The following ADAM12 variants were observed in gnomAD, a reference collection of about 807,000 sequenced individuals.
ADAM12 encodes the protein ADAM metallopeptidase domain 12.
In ADAM12, 70 loss-of-function variants were observed where a neutral mutation model predicts 106.4. The observed-to-expected ratio is 0.66, with a 90% CI of 0.54 to 0.80. ADAM12 has a LOEUF of 0.80. Among genes scored for constraint, ADAM12 ranks in the 30% least tolerant of loss-of-function variants. ADAM12 has a pLI of 0.00. For missense variants in ADAM12, 1,010 were observed against 1,171.9 expected (o/e 0.86, Z 2.02); for synonymous variants, 420 against 433.5 (o/e 0.97, Z 0.39).
intron 18 of ADAM12, 123 bp from the exon 19 acceptor site, chr10:126,039,552 T>A: frequency 8.6e-7 from 1 of 1,163,886 alleles, no homozygotes; most frequent in Non-Finnish European, 1.2e-6. Context: ...AGTACACCCG[T>A]GAGTGATGTA....
At chr10:126,097,649 C>T (rs546892400) in intron 10 of ADAM12, among the ~76,000 whole-genome samples, 140 of 152,308 alleles carry the variant, frequency 9.2e-4, no homozygotes, top group Non-Finnish European at 1.7e-3. Context: ...TCTGAGGATA[C>T]TCCCTGTCTG....
At chr10:126,251,033 G>T (rs1221794533) in intron 3 of ADAM12, among the ~76,000 whole-genome samples, 1 of 152,184 alleles carries the variant, frequency 6.6e-6, no homozygotes, top group Non-Finnish European at 1.5e-5. Flanking sequence ...TAAGATTCTT[G>T]CTTCTTTCTT....
chr10:126,247,902 G>A (rs1958660899), intron 3 of ADAM12, among the ~76,000 whole-genome samples: 1 of 152,186 alleles, frequency 6.6e-6, no homozygotes, highest in Non-Finnish European at 1.5e-5. Context: ...GTGGCTCCAC[G>A]AGCCAATGAC....
At chr10:126,327,883 C>A (rs545745680) in intron 2 of ADAM12, among the ~76,000 whole-genome samples, 595 of 152,258 alleles carry the variant, frequency 3.9e-3, no homozygotes, top group Non-Finnish European at 7.2e-3. Flanking sequence ...ATGGGAGGAG[C>A]CCTGTGGGAA....
In ADAM12 at chr10:126,043,641, G is replaced by A. The variant is rs1022888901; in HGVS notation, c.1996-493C>T. ...GACTGCCGGGTCCCACGCCAGGCTG[G>A]GGTCCGAGGCAGGCCCCCCGTTTCC... On this transcript the variant is annotated intron_variant, in intron 17 of 22. Transcript: ENST00000448723. This position sits in a 1 kb window ranked among gnomAD's most constrained non-coding sequence, Gnocchi z 4.1. Among the ~76,000 whole-genome samples, 10 of 152,176 alleles carry A rather than the reference G, an allele frequency of 6.6e-5. No individual in the cohort carries two copies. Among genetic ancestry groups the A allele is most frequent in the African/African-American group, 2.2e-4 (9 of 41,446 alleles).
At chr10:126,375,251 TA>T (rs796088323) in intron 1 of ADAM12, among the ~76,000 whole-genome samples, 6,542 of 136,612 alleles carry the variant, frequency 0.048, 424 homozygotes, top group African/African-American at 0.15. Context: ...AAGCCATGGT[TA>T]AAAAAAAAAA....
intron 11 of ADAM12, among the ~76,000 whole-genome samples, chr10:126,074,922 T>G (rs1213211969): frequency 6.6e-6 from 1 of 152,138 alleles, no homozygotes. Context: ...GTCAGGACAA[T>G]TCAAACTTCC....
rs181367496 is a variant in ADAM12 at position 126,167,943 on chromosome 10, G to A, written c.261-12638C>T. On this transcript the variant is annotated intron_variant, in intron 3 of 22. Coordinates refer to ENST00000448723, the MANE Select transcript of ADAM12 (RefSeq NM_001288973.2). ...GTTCAAGGCCACACACTCTTACAGC[G>A]GCAATGGGCTTGGGTTGTCACATGC... 1.5e-3 allele frequency among the ~76,000 whole-genome samples: 225 copies of A among 152,308 alleles called. 1 individual carries two copies. Among genetic ancestry groups the A allele is most frequent in the African/African-American group, 5.1e-3 (213 of 41,564 alleles).
At chr10:126,041,273 G>A in intron 18 of ADAM12, 1 of 955,360 alleles carries the variant, frequency 1.0e-6, no homozygotes, top group Non-Finnish European at 1.2e-6. Context: ...GCCAGGCCAG[G>A]GAGCAGTGAG....
chr10:126,107,477 C>A (rs1011666421), intron 8 of ADAM12, among the ~76,000 whole-genome samples: 12 of 152,168 alleles, frequency 7.9e-5, no homozygotes, highest in Non-Finnish European at 1.6e-4. Flanking sequence ...AGGACCTTTG[C>A]CTTCATTTTT....
chr10:126,235,434 G>C (rs1376162414), intron 3 of ADAM12, among the ~76,000 whole-genome samples: 1 of 152,206 alleles, frequency 6.6e-6, no homozygotes, highest in Non-Finnish European at 1.5e-5. Context: ...ATGAGAACCA[G>C]GGAGCGCGGA....
At chr10:126,223,643 G>A (rs766164892) in intron 3 of ADAM12, among the ~76,000 whole-genome samples, 2 of 152,222 alleles carry the variant, frequency 1.3e-5, no homozygotes, top group Non-Finnish European at 2.9e-5. Flanking sequence ...AGCAGCCCGC[G>A]TGGCCCTTCC....
intron 1 of ADAM12, among the ~76,000 whole-genome samples, chr10:126,335,672 T>A (rs1854674102): frequency 6.6e-6 from 1 of 152,212 alleles, no homozygotes; most frequent in African/African-American, 2.4e-5. Context: ...AATGCAATTT[T>A]AAAATAACGT....
intron 5 of ADAM12, among the ~76,000 whole-genome samples, chr10:126,124,309 G>A (rs1159860399): frequency 6.6e-6 from 1 of 150,390 alleles, no homozygotes. Flanking sequence ...TTTTTTTGGA[G>A]CAACTCCTGG....
intron 3 of ADAM12, among the ~76,000 whole-genome samples, chr10:126,245,608 G>A (rs1343571785): frequency 6.6e-6 from 1 of 152,120 alleles, no homozygotes; most frequent in Non-Finnish European, 1.5e-5. Flanking sequence ...CAGGGCCAAG[G>A]ACCAGGCACC....
intron 5 of ADAM12, among the ~76,000 whole-genome samples, chr10:126,125,653 G>C (rs115549059): frequency 0.02 from 3,007 of 151,896 alleles, 108 homozygotes; most frequent in African/African-American, 0.069. Context: ...CACTGCAGGG[G>C]GTTGAATAGT....
At chr10:126,254,351 A>T (rs1315435770) in intron 3 of ADAM12, among the ~76,000 whole-genome samples, 1 of 152,198 alleles carries the variant, frequency 6.6e-6, no homozygotes, top group Non-Finnish European at 1.5e-5. Flanking sequence ...AAGATAATGC[A>T]GGTGAAAATG....
intron 4 of ADAM12, among the ~76,000 whole-genome samples, chr10:126,153,112 G>A (rs781084334): frequency 9.2e-5 from 14 of 152,100 alleles, no homozygotes; most frequent in Admixed American, 7.2e-4. Context: ...AGATACCTTC[G>A]TTGGAATCTG....
At chr10:126,381,175 C>T (rs1488727406) in intron 1 of ADAM12, among the ~76,000 whole-genome samples, 1 of 151,936 alleles carries the variant, frequency 6.6e-6, no homozygotes, top group Non-Finnish European at 1.5e-5. Flanking sequence ...TTTTTGTTTC[C>T]ACAAGGAAGG....
Sources: allele counts gnomAD v4.1 joint callset (sites outside exome capture counted in the v4.1 genomes callset), GRCh38; gene constraint gnomAD v4.1.1; non-coding constraint Gnocchi (gnomAD v3.1); transcripts MANE v1.5; gene names NCBI Gene and HGNC (gene_info 2026-07-23, HGNC 2026-07-21).